Variants in CCDC3 observed in about 807,000 individuals in gnomAD.
CCDC3 encodes coiled-coil domain containing 3, also known as coiled-coil domain-containing protein 3.
A neutral mutation model predicts 21.4 loss-of-function variants in CCDC3; 24 were observed. The observed-to-expected ratio is 1.12, with a 90% CI of 0.81 to 1.58. The LOEUF (loss-of-function observed/expected upper bound fraction) is 1.58. Among genes scored for constraint, CCDC3 ranks in the 40% most tolerant of loss-of-function variants. CCDC3 has a pLI of 0.00. For synonymous variants in CCDC3, 186 were observed against 166.0 expected (o/e 1.12, Z -0.93); for missense variants, 425 against 360.9 (o/e 1.18, Z -1.44).
At chr10:13,019,050 G>A (rs914209040) in intron 5 of CCDC3, among the ~76,000 whole-genome samples, 7 of 150,338 alleles carry the variant, frequency 4.7e-5, no homozygotes, top group East Asian at 1.9e-4. Flanking sequence ...TGGCTAACAC[G>A]GTGAAACCCC....
intron 5 of CCDC3, among the ~76,000 whole-genome samples, chr10:13,013,149 C>A (rs1006899443): frequency 2.0e-5 from 3 of 152,280 alleles, no homozygotes; most frequent in Non-Finnish European, 4.4e-5. Context: ...CTAGCTCTGT[C>A]GACCAAGAAG....
chr10:12,966,885 A>G (rs1242540558), intron 2 of CCDC3, among the ~76,000 whole-genome samples: 1 of 152,204 alleles, frequency 6.6e-6, no homozygotes, highest in Non-Finnish European at 1.5e-5. Context: ...CCCGTATCTT[A>G]TCTCTTTGGG....
chr10:13,066,536 C>G (rs573183506), intron 4 of CCDC3, among the ~76,000 whole-genome samples: 1 of 152,320 alleles, frequency 6.6e-6, no homozygotes, highest in Non-Finnish European at 1.5e-5. Context: ...GTTTTGGGCA[C>G]CAGTGTTGTG....
At chr10:13,025,809 T>C (rs1836206331) in intron 5 of CCDC3, among the ~76,000 whole-genome samples, 1 of 152,232 alleles carries the variant, frequency 6.6e-6, no homozygotes, top group Non-Finnish European at 1.5e-5. Flanking sequence ...CAAAACAGTC[T>C]TTAGACGTTG....
At chr10:13,073,091 C>T (rs1250284756) in intron 4 of CCDC3, among the ~76,000 whole-genome samples, 1 of 152,098 alleles carries the variant, frequency 6.6e-6, no homozygotes. Context: ...GTCTTGAACT[C>T]CTGACCTCTA....
At chr10:12,936,928 A>C (rs1834748889) in intron 2 of CCDC3, among the ~76,000 whole-genome samples, 1 of 152,184 alleles carries the variant, frequency 6.6e-6, no homozygotes, top group South Asian at 2.1e-4. Context: ...TGTCTCAACT[A>C]ACTAAAGAAA....
chr10:12,956,636 G>A (rs750335261), intron 2 of CCDC3, among the ~76,000 whole-genome samples: 1 of 152,162 alleles, frequency 6.6e-6, no homozygotes, highest in Non-Finnish European at 1.5e-5. Flanking sequence ...AATGTAATCT[G>A]GCCAAAAGAA....
chr10:12,942,329 A>C (rs1181445200), intron 2 of CCDC3, among the ~76,000 whole-genome samples: 1 of 152,208 alleles, frequency 6.6e-6, no homozygotes, highest in Non-Finnish European at 1.5e-5. Context: ...TGGTACTGAT[A>C]CAGGAGCTAA....
At chr10:13,076,453 G>T (rs1588416773) in intron 3 of CCDC3, among the ~76,000 whole-genome samples, 2 of 152,230 alleles carry the variant, frequency 1.3e-5, no homozygotes, top group Admixed American at 1.3e-4. Flanking sequence ...AGACGTAGGA[G>T]TGTCCTGTGT....
chr10:13,058,365 G>T, intron 4 of CCDC3: 1 of 1,080,872 alleles, frequency 9.3e-7, no homozygotes, highest in Non-Finnish European at 1.4e-6. Flanking sequence ...CTGTGGGTCA[G>T]CAGCAGTCCA....
At chr10:13,064,675 A>G (rs925370519) in intron 4 of CCDC3, among the ~76,000 whole-genome samples, 1 of 152,156 alleles carries the variant, frequency 6.6e-6, no homozygotes, top group Non-Finnish European at 1.5e-5. Context: ...AGTCCTAGCT[A>G]CTGGGGAGGC....
Position 13,011,371 on chromosome 10 carries a change from G to T in CCDC3, c.-1-12859C>A, listed in dbSNP as rs1419457675. ...GTACAAAATCAGTGTACAAAAATCAGTAGCACTCCTATACACTAATAGCAC... is the reference window on the plus strand; with the variant it reads ...GTACAAAATCAGTGTACAAAAATCATTAGCACTCCTATACACTAATAGCAC... On this transcript the variant is annotated intron_variant, in intron 5 of 6. Transcript: ENST00000378839. Among the ~76,000 whole-genome samples, 10 of 152,160 alleles carry T rather than the reference G, an allele frequency of 6.6e-5. No individual in the cohort carries two copies. The East Asian group carries it at 1.9e-3, about 29-fold the overall frequency.
intron 5 of CCDC3, among the ~76,000 whole-genome samples, chr10:13,014,092 A>C (rs1345366308): frequency 6.6e-6 from 1 of 152,018 alleles, no homozygotes; most frequent in Non-Finnish European, 1.5e-5. Context: ...TAGAGATTGC[A>C]GTGAGCCGAG....
chr10:13,061,414 G>A (rs1359860356), intron 4 of CCDC3, among the ~76,000 whole-genome samples: 1 of 152,140 alleles, frequency 6.6e-6, no homozygotes, highest in Non-Finnish European at 1.5e-5. Flanking sequence ...GTGATGGCTG[G>A]GAGCATCCCC....
intron 4 of CCDC3, among the ~76,000 whole-genome samples, chr10:13,059,891 A>G (rs540678716): frequency 2.4e-4 from 37 of 152,144 alleles, no homozygotes; most frequent in Non-Finnish European, 4.9e-4. Context: ...AGATGAGACC[A>G]TCCTGGCCAA....
At chr10:13,084,202 G>C (rs1442843845) in intron 3 of CCDC3, among the ~76,000 whole-genome samples, 1 of 151,944 alleles carries the variant, frequency 6.6e-6, no homozygotes, top group Non-Finnish European at 1.5e-5. Flanking sequence ...TACCTAGGGT[G>C]GACATGTTTC....
chr10:13,003,523 C>A (rs1589037442), upstream of CCDC3, among the ~76,000 whole-genome samples: 1 of 152,254 alleles, frequency 6.6e-6, no homozygotes, highest in East Asian at 1.9e-4. Flanking sequence ...ATACACAGAG[C>A]AAATTAAGAG....
At chr10:12,984,004 C>A (rs181453416) in intron 2 of CCDC3, among the ~76,000 whole-genome samples, 1 of 152,090 alleles carries the variant, frequency 6.6e-6, no homozygotes, top group Non-Finnish European at 1.5e-5. Context: ...CACCTGACCC[C>A]GGGAGACAGA....
At chr10:12,939,537 C>T (rs922176875) in intron 2 of CCDC3, among the ~76,000 whole-genome samples, 1 of 152,114 alleles carries the variant, frequency 6.6e-6, no homozygotes, top group Non-Finnish European at 1.5e-5. Flanking sequence ...GGGGGATGAT[C>T]GTGGCACTGC....
Sources: gnomAD v4.1 joint callset for allele counts (sites outside exome capture counted in the v4.1 genomes callset) on GRCh38, gnomAD v4.1.1 for gene constraint, MANE v1.5 for transcripts, NCBI Gene and HGNC (gene_info 2026-07-23, HGNC 2026-07-21) for gene names.